The following DPF3 variants were observed in gnomAD, a reference collection of about 807,000 sequenced individuals.
DPF3 encodes double PHD fingers 3, also known as zinc finger protein DPF3.
A neutral mutation model predicts 56.8 loss-of-function variants in DPF3; 18 were observed. The ratio of observed to expected loss-of-function variants is 0.32; its 90% CI spans 0.22 to 0.47. The LOEUF is 0.47. DPF3 is among the 20% of genes least tolerant of loss of function. DPF3 has a pLI of 1.00. For synonymous variants in DPF3, 188 were observed against 180.2 expected (o/e 1.04, Z -0.35); for missense variants, 403 against 488.8 (o/e 0.82, Z 1.65).
chr14:72,644,204 T>C (rs1474765070), intron 8 of DPF3, among the ~76,000 whole-genome samples: 1 of 152,158 alleles, frequency 6.6e-6, no homozygotes, highest in African/African-American at 2.4e-5. Flanking sequence ...TCCTTGGAGC[T>C]CCATGGGAGT....
At chr14:72,838,927 T>A (rs1884433950) in intron 1 of DPF3, among the ~76,000 whole-genome samples, 2 of 65,798 alleles carry the variant, frequency 3.0e-5, no homozygotes, top group Non-Finnish European at 6.8e-5. Flanking sequence ...TTTTTTTTTT[T>A]TTTTTTTTTT....
At chr14:72,891,443 C>G (rs1031022277) in intron 1 of DPF3, among the ~76,000 whole-genome samples, 1 of 152,052 alleles carries the variant, frequency 6.6e-6, no homozygotes, top group South Asian at 2.1e-4. Flanking sequence ...CCATTCTCCC[C>G]GCTACCCCTC....
intron 3 of DPF3, among the ~76,000 whole-genome samples, chr14:72,744,049 G>C (rs1381697476): frequency 6.6e-6 from 1 of 152,204 alleles, no homozygotes; most frequent in Non-Finnish European, 1.5e-5. Context: ...AAACACATAG[G>C]TCCAGGGACA....
At chr14:72,739,229 G>A (rs547487292) in intron 3 of DPF3, among the ~76,000 whole-genome samples, 1 of 148,820 alleles carries the variant, frequency 6.7e-6, no homozygotes, top group African/African-American at 2.5e-5. Context: ...GTGACAGAGT[G>A]AGACTCTGTC....
At chr14:72,871,920 G>T (rs745713876) in intron 1 of DPF3, among the ~76,000 whole-genome samples, 9 of 152,176 alleles carry the variant, frequency 5.9e-5, no homozygotes, top group Non-Finnish European at 1.2e-4. Context: ...TTTCCCTTCT[G>T]CACTGCCCTA....
At chr14:72,697,302 C>G (rs758504952) in intron 6 of DPF3, among the ~76,000 whole-genome samples, 18 of 152,142 alleles carry the variant, frequency 1.2e-4, no homozygotes, top group Non-Finnish European at 2.2e-4. Context: ...GAGGAGGTCG[C>G]AGTCTAGCAG....
intron 1 of DPF3, chr14:72,836,516 G>A (rs112347606): frequency 4.8e-5 from 47 of 985,418 alleles, no homozygotes; most frequent in Middle Eastern, 5.2e-4. Context: ...TGACCACCTC[G>A]TGGGGAGATT....
chr14:72,662,998 C>G (rs1886282883), intron 8 of DPF3, among the ~76,000 whole-genome samples: 1 of 151,168 alleles, frequency 6.6e-6, no homozygotes, highest in South Asian at 2.1e-4. Flanking sequence ...GTTAATGAGG[C>G]TAGGCCAGGT....
chr14:72,694,331 G>A (rs1340845163), intron 6 of DPF3, among the ~76,000 whole-genome samples: 1 of 152,242 alleles, frequency 6.6e-6, no homozygotes. Flanking sequence ...CTCTGCTGGA[G>A]TGCCTGAAAG....
Position 72,683,823 on chromosome 14 carries a change from G to T in DPF3, c.742+9253C>A, listed in dbSNP as rs1252812095. On this transcript the variant is annotated intron_variant, in intron 7 of 10. Transcript: ENST00000556509. Reference sequence around the variant, plus strand: ...ATGTCTTAAAAGCTCCCCTGGTAGGGTGGCCACGCATCCAGGTTTGACTGG... The same window carrying T: ...ATGTCTTAAAAGCTCCCCTGGTAGGTTGGCCACGCATCCAGGTTTGACTGG... Among the ~76,000 whole-genome samples, 10 of 152,266 alleles carry T rather than the reference G, an allele frequency of 6.6e-5. No homozygotes were observed. In the East Asian group the frequency reaches 1.7e-3, roughly 26 times the overall value.
rs570543653 is a variant in DPF3, at chr14:72,873,929, G to T, written c.32+20128C>A. On this transcript the variant is annotated intron_variant, in intron 1 of 10. Transcript: ENST00000556509. ...CACACACCGGGGCCTGTTGTGGGGT[G>T]GGGGGAAGGGGAGGGATAGCATTAG... Among the ~76,000 whole-genome samples, 192 of 151,804 alleles carry T rather than the reference G, an allele frequency of 1.3e-3. 1 individual carries two copies. Among genetic ancestry groups the T allele is most frequent in the African/African-American group, 4.5e-3 (185 of 41,368 alleles).
chr14:72,848,907 C>T (rs1396316936), intron 1 of DPF3, among the ~76,000 whole-genome samples: 2 of 152,162 alleles, frequency 1.3e-5, no homozygotes, highest in Non-Finnish European at 2.9e-5. Flanking sequence ...TAATGGGCTC[C>T]ATTTGAGCAC....
intron 1 of DPF3, among the ~76,000 whole-genome samples, chr14:72,823,030 C>T (rs1883623824): frequency 6.6e-6 from 1 of 152,154 alleles, no homozygotes; most frequent in Non-Finnish European, 1.5e-5. Flanking sequence ...ATCCCTATTG[C>T]AACCAGTACA....
At chr14:72,670,121 A>C in intron 8 of DPF3, 1 of 985,858 alleles carries the variant, frequency 1.0e-6, no homozygotes, top group South Asian at 4.7e-5. Context: ...AAATAGAAGA[A>C]ATACGGTAGC....
intron 9 of DPF3, among the ~76,000 whole-genome samples, chr14:72,628,924 T>C (rs989054150): frequency 1.3e-5 from 2 of 152,220 alleles, no homozygotes; most frequent in Non-Finnish European, 2.9e-5. Context: ...AGAAGCTATA[T>C]GTAAGTTTAT....
chr14:72,769,815 T>G (rs1233825203), intron 2 of DPF3, among the ~76,000 whole-genome samples: 2 of 152,082 alleles, frequency 1.3e-5, no homozygotes, highest in African/African-American at 4.8e-5. Context: ...TGTGAGTTCC[T>G]GGTGGTATTC....
chr14:72,863,100 A>ATATATATGTG (rs1413440131), intron 1 of DPF3, among the ~76,000 whole-genome samples: 58 of 110,472 alleles, frequency 5.3e-4, no homozygotes, highest in African/African-American at 1.9e-3. Flanking sequence ...ATATATATAT[A>ATATATATGTG]TGTGTGTGTA....
chr14:72,821,532 G>A (rs951559180), intron 1 of DPF3, among the ~76,000 whole-genome samples: 13 of 152,118 alleles, frequency 8.5e-5, no homozygotes, highest in African/African-American at 2.9e-4. Flanking sequence ...ATGAACTATC[G>A]AATATTGTCC....
chr14:72,809,470 C>G (rs1475701583), intron 1 of DPF3, among the ~76,000 whole-genome samples: 2 of 152,214 alleles, frequency 1.3e-5, no homozygotes, highest in African/African-American at 4.8e-5. Flanking sequence ...GCCACCCTCT[C>G]CCAACTTATG....
Sources: gnomAD v4.1 joint callset for allele counts (sites outside exome capture counted in the v4.1 genomes callset) on GRCh38, gnomAD v4.1.1 for gene constraint, MANE v1.5 for transcripts, NCBI Gene and HGNC (gene_info 2026-07-23, HGNC 2026-07-21) for gene names.